The following SLC4A10 variants were observed in gnomAD, a reference collection of about 807,000 sequenced individuals.
SLC4A10 encodes solute carrier family 4 member 10.
In SLC4A10, 42 loss-of-function variants were observed where a neutral mutation model predicts 137.7. The observed-to-expected ratio is 0.30, with a 90% CI of 0.24 to 0.39. The LOEUF (loss-of-function observed/expected upper bound fraction) is 0.39, where lower values mean the gene tolerates loss of function less well. SLC4A10 is among the 10% of genes least tolerant of loss of function. The pLI, the probability that SLC4A10 is intolerant of heterozygous loss-of-function variation, is 1.00. For synonymous variants in SLC4A10, 474 were observed against 464.1 expected, an observed-to-expected ratio of 1.02 and a Z score of -0.27; for missense variants, 925 against 1,355.0, an observed-to-expected ratio of 0.68 and a Z score of 4.98.
chr2:161,655,341 A>G (rs528256304), intron 1 of SLC4A10, among the ~76,000 whole-genome samples: 3 of 152,224 alleles, frequency 2.0e-5, no homozygotes, highest in African/African-American at 7.2e-5. Context: ...TTTGATTTGA[A>G]TGTCTTTATT....
At chr2:161,802,637 C>T (rs904288425) in intron 2 of SLC4A10, among the ~76,000 whole-genome samples, 2 of 152,118 alleles carry the variant, frequency 1.3e-5, no homozygotes, top group African/African-American at 4.8e-5. Flanking sequence ...ATACCACAGG[C>T]TGGGCAGCTT....
chr2:161,885,935 T>G (rs1445010906), intron 10 of SLC4A10, among the ~76,000 whole-genome samples: 2 of 152,110 alleles, frequency 1.3e-5, no homozygotes, highest in East Asian at 3.9e-4. Flanking sequence ...AAGCCCTGTC[T>G]CTACCAAAAA....
intron 1 of SLC4A10, among the ~76,000 whole-genome samples, chr2:161,701,491 T>A (rs1298824977): frequency 6.6e-6 from 1 of 151,972 alleles, no homozygotes; most frequent in East Asian, 1.9e-4. Flanking sequence ...TATTTGATAT[T>A]TTGATCCAAG....
intron 8 of SLC4A10, among the ~76,000 whole-genome samples, chr2:161,877,906 C>T (rs561148835): frequency 6.6e-6 from 1 of 152,114 alleles, no homozygotes; most frequent in Non-Finnish European, 1.5e-5. Flanking sequence ...AGAACATATG[C>T]TTCCTATACT....
At chr2:161,829,923 T>C (rs2058321465) in intron 3 of SLC4A10, among the ~76,000 whole-genome samples, 1 of 152,028 alleles carries the variant, frequency 6.6e-6, no homozygotes, top group Admixed American at 6.5e-5. Context: ...ATGAGACTTA[T>C]TCACTACCAC....
intron 1 of SLC4A10, among the ~76,000 whole-genome samples, chr2:161,656,501 TGAG>T (rs1426774900): frequency 1.3e-5 from 2 of 152,178 alleles, no homozygotes; most frequent in African/African-American, 4.8e-5. Context: ...TTTAAATAAA[TGAG>T]GAGGTGTAGA....
intron 1 of SLC4A10, among the ~76,000 whole-genome samples, chr2:161,638,466 T>G (rs1008859260): frequency 2.0e-5 from 3 of 152,150 alleles, no homozygotes; most frequent in African/African-American, 7.2e-5. Context: ...GGTTTTCTAT[T>G]CTGTTTCATT....
At chr2:161,839,189 T>A (rs1271567264) in intron 3 of SLC4A10, among the ~76,000 whole-genome samples, 2 of 152,198 alleles carry the variant, frequency 1.3e-5, no homozygotes, top group Non-Finnish European at 2.9e-5. Flanking sequence ...CTCAAAGGCA[T>A]TTGCTAAGTG....
chr2:161,886,043 G>A (rs2125993376), intron 10 of SLC4A10, among the ~76,000 whole-genome samples: 1 of 152,172 alleles, frequency 6.6e-6, no homozygotes. Context: ...AGGTTGCAGT[G>A]AGCTGAGATG....
intron 10 of SLC4A10, among the ~76,000 whole-genome samples, chr2:161,893,334 T>C (rs2063107880): frequency 6.6e-6 from 1 of 152,104 alleles, no homozygotes; most frequent in African/African-American, 2.4e-5. Context: ...ACTGTGTAGA[T>C]ATAATATATA....
Position 161,956,418 on chromosome 2 carries a change from AG to A in SLC4A10, c.2542-569del, listed in dbSNP as rs1575833926. On this transcript the variant is annotated intron_variant, in intron 19 of 26. Coordinates refer to ENST00000446997, the MANE Select transcript of SLC4A10 (RefSeq NM_001178015.2). ...AAAAATAAAAGGTGGAACATAAAAT[AG>A]GCCATCCCTTTGGCTGCTTCTGAGG... 3.3e-5 allele frequency among the ~76,000 whole-genome samples: 5 copies of A among 152,274 alleles called. No individual in the cohort carries two copies. The East Asian group carries it at 5.8e-4, about 18-fold the overall frequency.
intron 1 of SLC4A10, among the ~76,000 whole-genome samples, chr2:161,680,336 T>C (rs2040718546): frequency 6.6e-6 from 1 of 152,156 alleles, no homozygotes; most frequent in Non-Finnish European, 1.5e-5. Flanking sequence ...AGGATTTTAG[T>C]AGATCAACAG....
chr2:161,830,627 T>C (rs572052707), intron 3 of SLC4A10, among the ~76,000 whole-genome samples: 41 of 152,222 alleles, frequency 2.7e-4, no homozygotes, highest in African/African-American at 9.9e-4. Context: ...CAGAAAGCTA[T>C]GCATAAAGTT....
intron 11 of SLC4A10, 146 bp from the exon 12 acceptor site, chr2:161,900,765 G>C: frequency 1.8e-6 from 1 of 557,400 alleles, no homozygotes; most frequent in Non-Finnish European, 3.2e-6. Flanking sequence ...ATAACTTCCT[G>C]GAGGTCAAGC....
intron 15 of SLC4A10, among the ~76,000 whole-genome samples, chr2:161,941,875 G>A (rs1194666755): frequency 6.6e-6 from 1 of 152,172 alleles, no homozygotes; most frequent in African/African-American, 2.4e-5. Flanking sequence ...GTCTCCAAGT[G>A]AGCCTCCCTG....
intron 15 of SLC4A10, among the ~76,000 whole-genome samples, chr2:161,923,472 A>G (rs757336418): frequency 1.8e-4 from 28 of 152,188 alleles, no homozygotes; most frequent in Non-Finnish European, 2.8e-4. Flanking sequence ...GGCCCATTCT[A>G]GGACTTTTAT....
At chr2:161,902,227 C>G in intron 12 of SLC4A10, 1 of 342,316 alleles carries the variant, frequency 2.9e-6, no homozygotes, top group Non-Finnish European at 5.8e-6. Context: ...TTACACAGTA[C>G]TATAACAACT....
chr2:161,901,624 A>G (rs1683134881), intron 12 of SLC4A10, among the ~76,000 whole-genome samples: 2 of 152,124 alleles, frequency 1.3e-5, no homozygotes, highest in South Asian at 2.1e-4. Flanking sequence ...TATAGCCTCC[A>G]TTATAATTAA....
In SLC4A10 at chr2:161,879,197, C is replaced by G. The variant is rs776950452; in HGVS notation, c.1015C>G (p.Leu339Val). 6.2e-7 allele frequency: 1 copy of G among 1,613,532 alleles called. No individual in the cohort carries two copies. Among genetic ancestry groups the G allele is most frequent in the Admixed American group, 1.7e-5 (1 of 59,956 alleles). Residue 339 changes from leucine (L) to valine (V), a missense_variant, in exon 9 of 27, where the codon CTG (leucine) becomes GTG (valine). By Grantham distance (32) the Leu-to-Val change is conservative. This residue lies in a region of SLC4A10 where 277 missense variants were observed against 306.1 expected (regional missense o/e 0.90). Transcript: ENST00000446997. ...AGCATCGAACATCTTAGTGGGAGAA[C>G]TGGAGTTCTTGGATCGAACAGTAGT... ...AEASNILVGE[L>V]EFLDRTVVAF...
Sources: allele counts gnomAD v4.1 joint callset (sites outside exome capture counted in the v4.1 genomes callset), GRCh38; gene constraint gnomAD v4.1.1; regional missense constraint gnomAD v4.1.1; transcripts MANE v1.5; gene names NCBI Gene and HGNC (gene_info 2026-07-23, HGNC 2026-07-21).